ATP2C1: variants seen among roughly 807,000 people sequenced by gnomAD.
ATP2C1 encodes the protein ATPase secretory pathway Ca2+ transporting 1, also known as calcium-transporting ATPase type 2C member 1.
Under a neutral mutation model 120.5 loss-of-function variants are expected in ATP2C1, and 31 were observed. The observed-to-expected ratio is 0.26, with a 90% CI of 0.19 to 0.35. ATP2C1 has a LOEUF of 0.35. ATP2C1 is among the 10% of genes least tolerant of loss of function. ATP2C1 has a pLI of 1.00. For missense variants in ATP2C1, 731 were observed against 1,107.5 expected, an observed-to-expected ratio of 0.66 and a Z score of 4.83; for synonymous variants, 351 against 358.7, an observed-to-expected ratio of 0.98 and a Z score of 0.24.
intron 5 of ATP2C1, 42 bp downstream of exon 5, chr3:130,934,753 T>A (rs755002925): frequency 6.7e-6 from 9 of 1,335,548 alleles, no homozygotes; most frequent in Non-Finnish European, 8.6e-6. Context: ...TGAGTAAGTG[T>A]ATAAATTGGG....
At position 131,001,258 on chromosome 3, in the gene ATP2C1, A is replaced by G; in HGVS notation, c.2668A>G (p.Ile890Val). 3.7e-6 allele frequency: 6 copies of G among 1,613,978 alleles called. No individual in the cohort carries two copies. The highest frequency in any genetic ancestry group is 4.2e-6 in the Non-Finnish European group (5 of 1,179,926). Residue 890 changes from isoleucine to valine, a missense_variant, in exon 28 of 28, where the codon ATA becomes GTA. Ile to Val is a conservative substitution (Grantham distance 29, BLOSUM62 3). This residue lies in a region of ATP2C1 where 141 missense variants were observed against 201.6 expected (regional missense o/e 0.70). Coordinates refer to ENST00000510168, the MANE Select transcript of ATP2C1 (RefSeq NM_001378687.1). ...FLLGLTSSVC[I>V]VAEIIKKVER... ...TTTGGGTCTCACCTCATCAGTGTGC[A>G]TAGTGGCAGAAATTATAAAGAAGGT... is the stretch of plus-strand genomic sequence containing the variant.
intron 8 of ATP2C1, among the ~76,000 whole-genome samples, chr3:130,949,601 T>G (rs993155476): frequency 6.6e-6 from 1 of 152,128 alleles, no homozygotes; most frequent in African/African-American, 2.4e-5. Flanking sequence ...TACCGAACAT[T>G]TTCAATGTAG....
downstream of ATP2C1, among the ~76,000 whole-genome samples, chr3:131,007,825 A>T (rs138087865): frequency 1.3e-5 from 2 of 152,338 alleles, no homozygotes; most frequent in Non-Finnish European, 2.9e-5. Context: ...ACTGTGAAAC[A>T]CGTGATATGT....
chr3:131,008,852 C>T (rs1224131020), intron 26 of ATP2C1, among the ~76,000 whole-genome samples: 10 of 152,126 alleles, frequency 6.6e-5, no homozygotes, highest in Admixed American at 6.5e-4. Context: ...TCCATCAAGG[C>T]CCCCATGTAG....
At chr3:130,869,692 G>A (rs76455208) in intron 1 of ATP2C1, among the ~76,000 whole-genome samples, 1 of 152,172 alleles carries the variant, frequency 6.6e-6, no homozygotes, top group South Asian at 2.1e-4. Flanking sequence ...ATTCCTTTAG[G>A]CCAAAGTCTA....
chr3:130,991,341 C>G (rs1227337809), intron 20 of ATP2C1, among the ~76,000 whole-genome samples: 1 of 151,968 alleles, frequency 6.6e-6, no homozygotes, highest in Non-Finnish European at 1.5e-5. Context: ...GGTGGTGGTG[C>G]AGGTCTTTGA....
At chr3:130,997,890 A>G in intron 25 of ATP2C1, 137 bp downstream of exon 25, 1 of 862,796 alleles carries the variant, frequency 1.2e-6, no homozygotes, top group Non-Finnish European at 1.8e-6. Flanking sequence ...AACATTTTAA[A>G]AGAGTTTGAT....
chr3:130,907,123 G>T (rs989952946), intron 2 of ATP2C1, among the ~76,000 whole-genome samples: 2 of 151,618 alleles, frequency 1.3e-5, no homozygotes, highest in Admixed American at 6.6e-5. Context: ...CTGGATACTG[G>T]ATAGGAATAT....
At chr3:130,913,146 A>T (rs1265154836) in intron 2 of ATP2C1, among the ~76,000 whole-genome samples, 4 of 150,178 alleles carry the variant, frequency 2.7e-5, no homozygotes, top group Non-Finnish European at 4.4e-5. Flanking sequence ...ACCTAATGCT[A>T]GATGACGAGT....
chr3:130,975,831 C>G lies in ATP2C1; in HGVS notation c.1570+343C>G, dbSNP rs575330238. Among the ~76,000 whole-genome samples, 4 of 152,252 alleles carry G rather than the reference C, an allele frequency of 2.6e-5. No homozygotes were observed. The South Asian group carries it at 8.3e-4, about 32-fold the overall frequency. Reference sequence around the variant, plus strand: ...TCACTTTGTTTTAAAGACAAAAATACTTTTCTAAAAATTGAGTCTGAAGCC... The same window carrying G: ...TCACTTTGTTTTAAAGACAAAAATAGTTTTCTAAAAATTGAGTCTGAAGCC... On this transcript the variant is annotated intron_variant, in intron 18 of 27. Transcript: ENST00000510168.
intron 27 of ATP2C1, 68 bp downstream of exon 27, chr3:130,999,727 T>C: frequency 7.0e-7 from 1 of 1,428,052 alleles, no homozygotes; most frequent in Non-Finnish European, 9.6e-7. Context: ...GTGTTTGTTT[T>C]AATTTTAAAA....
intron 20 of ATP2C1, among the ~76,000 whole-genome samples, chr3:130,989,201 T>G (rs1224718480): frequency 1.4e-5 from 2 of 143,714 alleles, no homozygotes; most frequent in Non-Finnish European, 3.0e-5. Flanking sequence ...GAGCCGAGAT[T>G]GCGCCACTGC....
At chr3:130,878,249 G>T (rs757352651) in intron 1 of ATP2C1, among the ~76,000 whole-genome samples, 171 of 152,140 alleles carry the variant, frequency 1.1e-3, no homozygotes, top group Non-Finnish European at 2.3e-3. Flanking sequence ...TAACAAACCT[G>T]CAGGTTTTGC....
At chr3:130,863,589 T>C (rs1421260500) in intron 1 of ATP2C1, among the ~76,000 whole-genome samples, 1 of 152,206 alleles carries the variant, frequency 6.6e-6, no homozygotes, top group Non-Finnish European at 1.5e-5. Flanking sequence ...AATTATAGTA[T>C]AGTGATATGG....
At chr3:130,931,506 G>A (rs2059445952) in intron 3 of ATP2C1, among the ~76,000 whole-genome samples, 1 of 152,014 alleles carries the variant, frequency 6.6e-6, no homozygotes, top group South Asian at 2.1e-4. Context: ...GACATTTATG[G>A]CCCATTGAAC....
rs2069358065 is a variant in ATP2C1, at chr3:130,894,165, C to A, written c.-353C>A. 1.2e-6 allele frequency: 1 copy of A among 826,310 alleles called. No individual in the cohort carries two copies. The allele number at this position is 826,310 out of a possible 1,614,324, so 51.2% of individuals were successfully genotyped here. A position where few individuals can be genotyped will look rare whatever the true frequency, so the allele number is the denominator to read the frequency against. ...CCTCTTCTCTCCCCTCCCCGCCCGC[C>A]CTCTCTCCCTCCCTTCCTCCCTCCC... On this transcript the variant is annotated 5_prime_UTR_variant, in exon 1 of 28. Transcript: ENST00000510168. The surrounding 1 kb of genome is among the most constrained non-coding windows in gnomAD (Gnocchi z 4.5).
intron 11 of ATP2C1, among the ~76,000 whole-genome samples, chr3:130,956,408 T>C (rs1373187722): frequency 6.6e-6 from 1 of 152,144 alleles, no homozygotes; most frequent in Non-Finnish European, 1.5e-5. Context: ...TATTTGTCTT[T>C]CTAGTCTTCA....
At chr3:130,920,739 T>C (rs1441310228) in intron 2 of ATP2C1, among the ~76,000 whole-genome samples, 4 of 152,214 alleles carry the variant, frequency 2.6e-5, no homozygotes, top group Admixed American at 2.6e-4. Flanking sequence ...TGATAGTGAT[T>C]GCGTAGAATT....
intron 18 of ATP2C1, 131 bp downstream of exon 18, chr3:130,975,619 G>GGCT: frequency 9.0e-7 from 1 of 1,110,702 alleles, no homozygotes. Context: ...CCAGTATTGA[G>GGCT]GTGTTAAGTT....
Sources: allele counts gnomAD v4.1 joint callset (sites outside exome capture counted in the v4.1 genomes callset), GRCh38; gene constraint gnomAD v4.1.1; regional missense constraint gnomAD v4.1.1; non-coding constraint Gnocchi (gnomAD v3.1); transcripts MANE v1.5; gene names NCBI Gene and HGNC (gene_info 2026-07-23, HGNC 2026-07-21).